Variants in PRKAG2 observed in about 807,000 individuals in gnomAD.
The protein encoded by PRKAG2 is protein kinase AMP-activated non-catalytic subunit gamma 2.
Under a neutral mutation model 69.6 loss-of-function variants are expected in PRKAG2, and 26 were observed. That is an observed-to-expected ratio of 0.37 (90% CI 0.27 to 0.52). The LOEUF is 0.52. Among genes scored for constraint, PRKAG2 ranks in the 20% least tolerant of loss-of-function variants. PRKAG2 has a pLI of 0.90. For synonymous variants in PRKAG2, 293 were observed against 285.0 expected (o/e 1.03, Z -0.28); for missense variants, 557 against 740.0 (o/e 0.75, Z 2.87).
At chr7:151,794,517 C>T (rs955485868) in intron 1 of PRKAG2, among the ~76,000 whole-genome samples, 4 of 152,358 alleles carry the variant, frequency 2.6e-5, no homozygotes, top group Non-Finnish European at 4.4e-5. Flanking sequence ...CTGGGCATGG[C>T]GAGGGCCGCT....
rs148420340 is a variant in PRKAG2 at position 151,774,163 on chromosome 7, G to A, written c.466+6989C>T. Among the ~76,000 whole-genome samples the A allele has an allele frequency of 3.0e-4, 46 of 152,286 alleles. No individual in the cohort carries two copies. The East Asian group carries it at 7.5e-3, about 25-fold the overall frequency. On this transcript the variant is annotated intron_variant, in intron 3 of 15. Transcript: ENST00000287878. ...ATTCCATGGTGGCTAGGAGTATGAT[G>A]AGAACGCCAGCCACACTACGAATCC...
chr7:151,685,816 C>A (rs1834639683), intron 3 of PRKAG2, among the ~76,000 whole-genome samples: 1 of 151,826 alleles, frequency 6.6e-6, no homozygotes, highest in Non-Finnish European at 1.5e-5. Flanking sequence ...TTCATATGAC[C>A]CACAGAAATA....
At chr7:151,705,187 G>T (rs1410634759) in intron 3 of PRKAG2, among the ~76,000 whole-genome samples, 1 of 152,170 alleles carries the variant, frequency 6.6e-6, no homozygotes, top group African/African-American at 2.4e-5. Flanking sequence ...AAACGTACAG[G>T]ATAAAATGTT....
At chr7:151,702,149 C>T (rs75439204) in intron 3 of PRKAG2, among the ~76,000 whole-genome samples, 3,833 of 152,322 alleles carry the variant, frequency 0.025, 160 homozygotes, top group African/African-American at 0.086. Context: ...AACACTTCCC[C>T]CTGTGCGGGG....
chr7:151,791,238 C>T (rs979614408), intron 1 of PRKAG2, among the ~76,000 whole-genome samples: 5 of 152,136 alleles, frequency 3.3e-5, no homozygotes, highest in East Asian at 3.8e-4. Flanking sequence ...ATCTTGGGGC[C>T]GGTGTGGGAA....
At chr7:151,798,319 G>A (rs900077264) in intron 1 of PRKAG2, among the ~76,000 whole-genome samples, 2 of 151,178 alleles carry the variant, frequency 1.3e-5, no homozygotes, top group African/African-American at 4.9e-5. Context: ...TTGTTTGTTC[G>A]TTTTTTGTTT....
rs142238662 is a variant in PRKAG2, at chr7:151,574,440, C to T, written c.1005+451G>A. Reference sequence around the variant, plus strand: ...CCTAATTAGCAGGAACATGTCAAAACGGAATTTATTTCACTTTAATGACTC... The same window carrying T: ...CCTAATTAGCAGGAACATGTCAAAATGGAATTTATTTCACTTTAATGACTC... On this transcript the variant is annotated intron_variant, in intron 8 of 15. Coordinates refer to ENST00000287878, the MANE Select transcript of PRKAG2 (RefSeq NM_016203.4). Among the ~76,000 whole-genome samples, 12 of 152,282 alleles carry T rather than the reference C, an allele frequency of 7.9e-5. No homozygotes were observed. In the East Asian group the frequency reaches 2.1e-3, roughly 27 times the overall value.
rs1415954364 is a variant in PRKAG2 at position 151,835,629 on chromosome 7, G to A, written c.114+40878C>T. Among the ~76,000 whole-genome samples the A allele has an allele frequency of 6.6e-6, 1 of 152,178 alleles. No individual in the cohort carries two copies. The highest frequency in any genetic ancestry group is 1.5e-5 in the Non-Finnish European group (1 of 68,036). The stretch of plus-strand genomic sequence containing the variant: ...GCCTTTAGGAACCACTCTCGTTGTG[G>A]TTTTAAATTGTCATCACTTGCCAGA... On this transcript the variant is annotated intron_variant, in intron 1 of 15. Coordinates refer to ENST00000287878, the MANE Select transcript of PRKAG2 (RefSeq NM_016203.4). The surrounding 1 kb of genome is among the most constrained non-coding windows in gnomAD (Gnocchi z 4.1).
In PRKAG2 at chr7:151,607,582, C is replaced by G. The variant is rs1323361941; in HGVS notation, c.755-12128G>C. ...TGCCTGGCTGCTCGTGTCCTCCCTA[C>G]CTACACAATATACCCTGTATCATTC... On this transcript the variant is annotated intron_variant, in intron 5 of 15. Transcript: ENST00000287878. Among the ~76,000 whole-genome samples the G allele has an allele frequency of 5.3e-5, 8 of 152,202 alleles. No homozygotes were observed. In the East Asian group the frequency reaches 1.5e-3, roughly 29 times the overall value.
chr7:151,750,096 C>CAAAAAAA (rs35915808), intron 3 of PRKAG2, among the ~76,000 whole-genome samples: 6 of 63,038 alleles, frequency 9.5e-5, no homozygotes, highest in African/African-American at 2.1e-4. Flanking sequence ...GACTCCATCT[C>CAAAAAAA]AAAAAAAAAA....
Position 151,731,334 on chromosome 7 carries a change from C to A in PRKAG2, c.466+49818G>T, listed in dbSNP as rs118047498. ...TGGCCTCCCTGCCTGGCTCTGCAGC[C>A]AGAGAGGGGTAAGGGCTGAGCACTC... On this transcript the variant is annotated intron_variant, in intron 3 of 15. Transcript: ENST00000287878. Among the ~76,000 whole-genome samples the A allele has an allele frequency of 5.0e-3, 762 of 152,340 alleles. 6 individuals carry two copies. The highest frequency in any genetic ancestry group is 7.3e-3 in the Non-Finnish European group (499 of 68,030).
intron 1 of PRKAG2, among the ~76,000 whole-genome samples, chr7:151,826,546 C>G (rs1314338796): frequency 6.6e-6 from 1 of 152,116 alleles, no homozygotes; most frequent in Non-Finnish European, 1.5e-5. Context: ...AGGAAATTCC[C>G]TCTCACCTTC....
rs34768438 is a variant in PRKAG2, at chr7:151,857,129, G to GAAAAA, written c.114+19373_114+19377dup. 1.9e-4 allele frequency among the ~76,000 whole-genome samples: 23 copies of GAAAAA among 122,744 alleles called. 1 individual carries two copies. The highest frequency in any genetic ancestry group is 5.3e-4 in the African/African-American group (17 of 32,146). 80.5% of individuals were successfully genotyped at this position (122,744 alleles called of 152,430 possible). A position where few individuals can be genotyped will look rare whatever the true frequency, so the allele number is the denominator to read the frequency against. On this transcript the variant is annotated intron_variant, in intron 1 of 15. Transcript: ENST00000287878. ...ATTAGGCAAGGGCTGATCATTGCTG[G>GAAAAA]AAAAAAAAAAAAAAAAAGCCCACAG...
chr7:151,600,454 T>C (rs182129717), intron 5 of PRKAG2, among the ~76,000 whole-genome samples: 38 of 152,364 alleles, frequency 2.5e-4, no homozygotes, highest in Admixed American at 2.3e-3. Flanking sequence ...GCCAATTTCA[T>C]GACAAATGAT....
intron 5 of PRKAG2, among the ~76,000 whole-genome samples, chr7:151,631,379 G>A (rs1246577675): frequency 1.3e-5 from 2 of 152,120 alleles, no homozygotes; most frequent in Admixed American, 1.3e-4. Flanking sequence ...GTGAAAGCTC[G>A]TCACATTCCA....
chr7:151,840,927 T>C (rs2374309), intron 1 of PRKAG2, among the ~76,000 whole-genome samples: 150,076 of 152,330 alleles, frequency 0.99, 73,960 homozygotes, highest in Middle Eastern at 1. Context: ...GGAGCCCAGG[T>C]GTTCAAGTCC....
chr7:151,620,791 T>TA (rs35118919), intron 5 of PRKAG2, among the ~76,000 whole-genome samples: 110,529 of 151,396 alleles, frequency 0.73, 40,609 homozygotes, highest in East Asian at 0.96. Context: ...CTTAATAGAT[T>TA]AAAAAAATTT....
At chr7:151,688,051 C>CCCCCCCCCCCCT (rs1554539800) in intron 3 of PRKAG2, among the ~76,000 whole-genome samples, 1 of 145,728 alleles carries the variant, frequency 6.9e-6, no homozygotes, top group African/African-American at 2.5e-5. Flanking sequence ...GGCCCCCCCC[C>CCCCCCCCCCCCT]GGGCTCCTTG....
At chr7:151,688,042 G>GACCCCCCC (rs1835013391) in intron 3 of PRKAG2, among the ~76,000 whole-genome samples, 3 of 107,062 alleles carry the variant, frequency 2.8e-5, no homozygotes, top group Non-Finnish European at 2.0e-5. Flanking sequence ...AGGAAATGAG[G>GACCCCCCC]CCCCCCCCCG....
Sources: allele counts gnomAD v4.1 joint callset (sites outside exome capture counted in the v4.1 genomes callset), GRCh38; gene constraint gnomAD v4.1.1; non-coding constraint Gnocchi (gnomAD v3.1); transcripts MANE v1.5; gene names NCBI Gene and HGNC (gene_info 2026-07-23, HGNC 2026-07-21).